The following KLHL3 variants were observed in gnomAD, a reference collection of about 807,000 sequenced individuals.
KLHL3 encodes kelch-like protein 3.
A neutral mutation model predicts 70.5 loss-of-function variants in KLHL3; 19 were observed. That is an observed-to-expected ratio of 0.27 (90% confidence interval 0.19 to 0.40). The LOEUF (loss-of-function observed/expected upper bound fraction) is 0.40, where lower values mean the gene tolerates loss of function less well. KLHL3 is among the 10% of genes least tolerant of loss of function. The probability of loss-of-function intolerance (pLI) is 1.00; values close to 1 mark genes in which losing one functional copy is unlikely to be tolerated. For synonymous variants in KLHL3, 258 were observed against 290.3 expected (o/e 0.89, Z 1.13); for missense variants, 512 against 771.1 (o/e 0.66, Z 3.98).
At chr5:137,719,760 A>G (rs1288767409) in intron 2 of KLHL3, among the ~76,000 whole-genome samples, 1 of 152,228 alleles carries the variant, frequency 6.6e-6, no homozygotes, top group Non-Finnish European at 1.5e-5. Flanking sequence ...CCAGTGAAAG[A>G]GAGAGTGAAA....
intron 7 of KLHL3, among the ~76,000 whole-genome samples, chr5:137,659,501 C>T (rs1433214073): frequency 6.6e-6 from 1 of 152,170 alleles, no homozygotes; most frequent in Non-Finnish European, 1.5e-5. Context: ...AACTGTTTTC[C>T]TTGGAAGGTT....
At chr5:137,665,565 A>C (rs1450506446) in intron 6 of KLHL3, among the ~76,000 whole-genome samples, 1 of 152,244 alleles carries the variant, frequency 6.6e-6, no homozygotes, top group Non-Finnish European at 1.5e-5. Context: ...ATGAATGTTC[A>C]TTCTTTCAAA....
At chr5:137,645,205 T>C (rs1458531935) in intron 8 of KLHL3, among the ~76,000 whole-genome samples, 1 of 152,114 alleles carries the variant, frequency 6.6e-6, no homozygotes, top group Non-Finnish European at 1.5e-5. Context: ...GCAGCTAACA[T>C]CATACTAGAA....
chr5:137,649,913 G>A (rs1310548661), intron 8 of KLHL3, among the ~76,000 whole-genome samples: 2 of 152,188 alleles, frequency 1.3e-5, no homozygotes, highest in Non-Finnish European at 2.9e-5. Flanking sequence ...CTTAAGCGCT[G>A]TAAAACCCTG....
chr5:137,701,049 CG>C (rs1752556284), intron 3 of KLHL3, among the ~76,000 whole-genome samples: 1 of 147,178 alleles, frequency 6.8e-6, no homozygotes, highest in South Asian at 2.1e-4. Flanking sequence ...TTTTTTTTTT[CG>C]AGATGGAGTT....
intron 5 of KLHL3, among the ~76,000 whole-genome samples, chr5:137,685,580 A>C (rs1473593829): frequency 6.6e-6 from 1 of 152,352 alleles, no homozygotes; most frequent in Admixed American, 6.5e-5. Flanking sequence ...TTTGGTCATG[A>C]GTATAAATTG....
chr5:137,662,277 ACACACAC>A (rs1223361904), intron 6 of KLHL3, among the ~76,000 whole-genome samples: 27 of 151,434 alleles, frequency 1.8e-4, no homozygotes, highest in South Asian at 6.2e-4. Context: ...ACACACACAC[ACACACAC>A]AAGGACAAAC....
At chr5:137,722,597 G>C (rs1251883074) in intron 1 of KLHL3, among the ~76,000 whole-genome samples, 1 of 152,092 alleles carries the variant, frequency 6.6e-6, no homozygotes, top group Non-Finnish European at 1.5e-5. Flanking sequence ...TTACTATAAA[G>C]CTAGAAAAAT....
At chr5:137,666,102 G>A (rs2149900426) in intron 6 of KLHL3, among the ~76,000 whole-genome samples, 1 of 152,298 alleles carries the variant, frequency 6.6e-6, no homozygotes, top group Non-Finnish European at 1.5e-5. Context: ...TAAGATCCAT[G>A]AGAGACCTTG....
chr5:137,706,725 T>G (rs1752693352), intron 3 of KLHL3, among the ~76,000 whole-genome samples: 2 of 152,214 alleles, frequency 1.3e-5, no homozygotes, highest in South Asian at 4.1e-4. Flanking sequence ...GCATTAAAAT[T>G]AGGTTGTAAC....
intron 4 of KLHL3, among the ~76,000 whole-genome samples, chr5:137,695,597 T>C (rs2149920163): frequency 6.6e-6 from 1 of 152,246 alleles, no homozygotes; most frequent in South Asian, 2.1e-4. Flanking sequence ...GGTTCTGGGA[T>C]CTAGACACAA....
In KLHL3 at chr5:137,713,605, T is replaced by G. The variant is rs886994755; in HGVS notation, c.135-3749A>C. Among the ~76,000 whole-genome samples, 15 of 152,150 alleles carry G rather than the reference T, an allele frequency of 9.9e-5. 1 individual carries two copies. The highest frequency in any genetic ancestry group is 3.6e-4 in the African/African-American group (15 of 41,436). On this transcript the variant is annotated intron_variant, in intron 2 of 14. Transcript: ENST00000309755. ...TAGAAGAAAACATAGGGGTAAATCT[T>G]CATGACTCCAAATAAGGCAATGGTT...
At chr5:137,720,992 C>CTA in intron 1 of KLHL3, 1 of 433,692 alleles carries the variant, frequency 2.3e-6, no homozygotes, top group Non-Finnish European at 3.1e-6. Flanking sequence ...ATAGGCAAAG[C>CTA]CACCATCACT....
At chr5:137,675,422 A>C (rs1751862305) in intron 6 of KLHL3, among the ~76,000 whole-genome samples, 1 of 152,200 alleles carries the variant, frequency 6.6e-6, no homozygotes. Flanking sequence ...GATTGTGACA[A>C]TTACAATGAC....
At chr5:137,712,650 G>A (rs910043020) in intron 2 of KLHL3, among the ~76,000 whole-genome samples, 6 of 152,144 alleles carry the variant, frequency 3.9e-5, no homozygotes, top group Non-Finnish European at 5.9e-5. Flanking sequence ...CCTTTTTTCC[G>A]AGCTATCACA....
chr5:137,645,546 T>C (rs928293180), intron 8 of KLHL3, among the ~76,000 whole-genome samples: 1 of 151,396 alleles, frequency 6.6e-6, no homozygotes, highest in Non-Finnish European at 1.5e-5. Flanking sequence ...AGAAAAAAAC[T>C]CATTAACAAT....
intron 3 of KLHL3, among the ~76,000 whole-genome samples, chr5:137,702,108 C>G (rs1752583021): frequency 6.6e-6 from 1 of 152,226 alleles, no homozygotes; most frequent in Admixed American, 6.5e-5. Flanking sequence ...GCCCTGCCCT[C>G]ATGGAGCTCA....
chr5:137,647,668 T>C (rs1184100479), intron 8 of KLHL3: 8 of 456,504 alleles, frequency 1.8e-5, no homozygotes, highest in Non-Finnish European at 3.7e-5. Flanking sequence ...ATTCATCCGA[T>C]GGAGCATGTC....
At chr5:137,676,727 A>G (rs937038685) in intron 6 of KLHL3, among the ~76,000 whole-genome samples, 1 of 152,238 alleles carries the variant, frequency 6.6e-6, no homozygotes, top group African/African-American at 2.4e-5. Context: ...CAGGAGAGGC[A>G]AAGTACCTCA....
Sources: allele counts gnomAD v4.1 joint callset (sites outside exome capture counted in the v4.1 genomes callset), GRCh38; gene constraint gnomAD v4.1.1; transcripts MANE v1.5; gene names NCBI Gene and HGNC (gene_info 2026-07-23, HGNC 2026-07-21).